SLC2A13: variants seen among roughly 807,000 people sequenced by gnomAD.
SLC2A13 encodes proton myo-inositol cotransporter.
In SLC2A13, 32 loss-of-function variants were observed where a neutral mutation model predicts 64.4. The observed-to-expected ratio is 0.50, with a 90% confidence interval of 0.37 to 0.67. SLC2A13 has a LOEUF of 0.67. SLC2A13 is among the 30% of genes least tolerant of loss of function. The pLI is 0.00. For synonymous variants in SLC2A13, 338 were observed against 327.1 expected, an observed-to-expected ratio of 1.03 and a Z score of -0.36; for missense variants, 743 against 829.2, an observed-to-expected ratio of 0.90 and a Z score of 1.28.
intron 7 of SLC2A13, among the ~76,000 whole-genome samples, chr12:39,805,822 G>T (rs1450619483): frequency 6.6e-6 from 1 of 152,116 alleles, no homozygotes; most frequent in Non-Finnish European, 1.5e-5. Flanking sequence ...AAAGGGAGTT[G>T]CCCGTTTTTT....
Position 39,943,189 on chromosome 12 carries a change from G to A in SLC2A13, c.1034+8068C>T, listed in dbSNP as rs778179518. On this transcript the variant is annotated intron_variant, in intron 4 of 9. Coordinates refer to ENST00000280871, the MANE Select transcript of SLC2A13 (RefSeq NM_052885.4). ...AGCTCTCCTGTATGAGGTGTCTGTC[G>A]ACCCCTGCTGGGAGGTGTCTCCCAG... 3.2e-4 allele frequency among the ~76,000 whole-genome samples: 49 copies of A among 152,130 alleles called. 1 individual carries two copies. The highest frequency in any genetic ancestry group is 5.9e-5 in the Non-Finnish European group (4 of 68,024).
chr12:39,836,309 A>G (rs976259397), intron 6 of SLC2A13, among the ~76,000 whole-genome samples: 2 of 152,110 alleles, frequency 1.3e-5, no homozygotes, highest in African/African-American at 2.4e-5. Flanking sequence ...AAATAGAGGA[A>G]ATTAGAGTCC....
At chr12:40,038,068 C>T (rs1001040935) in intron 2 of SLC2A13, among the ~76,000 whole-genome samples, 37 of 152,170 alleles carry the variant, frequency 2.4e-4, no homozygotes, top group Admixed American at 2.4e-3. Context: ...ATTCTAGCTT[C>T]TTAACATGAA....
intron 7 of SLC2A13, among the ~76,000 whole-genome samples, chr12:39,779,473 A>G (rs941363325): frequency 6.6e-6 from 1 of 152,152 alleles, no homozygotes; most frequent in African/African-American, 2.4e-5. Flanking sequence ...CATACCTATT[A>G]TCTTCCCTTT....
At chr12:40,014,898 G>T (rs933918227) in intron 3 of SLC2A13, among the ~76,000 whole-genome samples, 4 of 152,168 alleles carry the variant, frequency 2.6e-5, no homozygotes, top group African/African-American at 9.7e-5. Flanking sequence ...GAAAACAAAT[G>T]TTTTATGCAA....
At chr12:39,934,212 C>G (rs1483769939) in intron 4 of SLC2A13, among the ~76,000 whole-genome samples, 6 of 152,178 alleles carry the variant, frequency 3.9e-5, no homozygotes, top group Non-Finnish European at 8.8e-5. Context: ...AAAAATGAAA[C>G]TGAAGATTCT....
chr12:39,864,622 CT>C, intron 6 of SLC2A13, 139 bp downstream of exon 6: 1 of 1,178,196 alleles, frequency 8.5e-7, no homozygotes. Flanking sequence ...TCTCTACCAC[CT>C]TTCCCATTTT....
intron 4 of SLC2A13, among the ~76,000 whole-genome samples, chr12:39,916,402 A>G (rs1945521904): frequency 6.6e-6 from 1 of 152,056 alleles, no homozygotes; most frequent in African/African-American, 2.4e-5. Context: ...GGAAAGTAAA[A>G]GTGAAGAGTC....
At chr12:40,018,490 T>C (rs1271514417) in intron 3 of SLC2A13, among the ~76,000 whole-genome samples, 2 of 152,240 alleles carry the variant, frequency 1.3e-5, no homozygotes, top group Admixed American at 6.5e-5. Flanking sequence ...TCCTAATTTG[T>C]AGACTTTCTA....
At chr12:39,860,016 C>G (rs1943714817) in intron 6 of SLC2A13, among the ~76,000 whole-genome samples, 1 of 152,022 alleles carries the variant, frequency 6.6e-6, no homozygotes. Flanking sequence ...GTCCTTGGTC[C>G]AAAGCAAGAA....
In SLC2A13 at chr12:39,757,668, G is replaced by A. The variant is rs1248772933; in HGVS notation, c.*2358C>T. Reference sequence around the variant, plus strand: ...TTTAAAGTAGGGGCTCAGGGGAGTAGGGGAGGAGAACTGTGGCTAATTTTC... The same window carrying A: ...TTTAAAGTAGGGGCTCAGGGGAGTAAGGGAGGAGAACTGTGGCTAATTTTC... On this transcript the variant is annotated 3_prime_UTR_variant, in exon 10 of 10. Coordinates refer to ENST00000280871, the MANE Select transcript of SLC2A13 (RefSeq NM_052885.4). 1 of 152,090 alleles carries A rather than the reference G, an allele frequency of 6.6e-6. No homozygotes were observed. Among genetic ancestry groups the A allele is most frequent in the South Asian group, 2.1e-4 (1 of 4,828 alleles). The allele number at this position is 152,090 out of a possible 1,614,324, so 9.4% of individuals were successfully genotyped here.
At chr12:40,061,232 T>G (rs931041749) in intron 1 of SLC2A13, among the ~76,000 whole-genome samples, 4 of 151,970 alleles carry the variant, frequency 2.6e-5, no homozygotes, top group African/African-American at 7.2e-5. Context: ...AAATGGTAGA[T>G]CTAATACATA....
At chr12:39,835,424 T>C (rs543186507) in intron 6 of SLC2A13, among the ~76,000 whole-genome samples, 5 of 152,236 alleles carry the variant, frequency 3.3e-5, no homozygotes, top group Admixed American at 2.0e-4. Flanking sequence ...ATTATAGGTA[T>C]GCTCTACATT....
chr12:39,930,130 C>CAAAA (rs11385191), intron 4 of SLC2A13, among the ~76,000 whole-genome samples: 1 of 95,898 alleles, frequency 1.0e-5, no homozygotes, highest in Non-Finnish European at 2.2e-5. Flanking sequence ...GACTTCGTCT[C>CAAAA]AAAAAAAAAA....
chr12:39,821,830 G>A (rs939199178), intron 7 of SLC2A13, among the ~76,000 whole-genome samples: 2 of 152,154 alleles, frequency 1.3e-5, no homozygotes, highest in Non-Finnish European at 2.9e-5. Flanking sequence ...CTTGGGAGTG[G>A]TAGCAGATAC....
intron 3 of SLC2A13, among the ~76,000 whole-genome samples, chr12:39,980,339 T>G (rs1316431225): frequency 2.6e-5 from 4 of 152,074 alleles, no homozygotes; most frequent in Non-Finnish European, 5.9e-5. Flanking sequence ...ACTTTAAATG[T>G]AAATGGACTA....
chr12:39,961,040 C>T (rs909292470), intron 3 of SLC2A13, among the ~76,000 whole-genome samples: 1 of 151,512 alleles, frequency 6.6e-6, no homozygotes, highest in East Asian at 1.9e-4. Flanking sequence ...AGCCATTGTG[C>T]CTGGCCCTTG....
At chr12:40,045,861 T>G (rs1948163753) in intron 2 of SLC2A13, among the ~76,000 whole-genome samples, 1 of 152,224 alleles carries the variant, frequency 6.6e-6, no homozygotes, top group Non-Finnish European at 1.5e-5. Flanking sequence ...CTTTTCCTTC[T>G]CATGCTTCCC....
chr12:39,841,793 G>C (rs1022288016), intron 6 of SLC2A13, among the ~76,000 whole-genome samples: 1 of 151,906 alleles, frequency 6.6e-6, no homozygotes, highest in Non-Finnish European at 1.5e-5. Context: ...CATTATTGAA[G>C]AGACAGAATA....
Sources: allele counts gnomAD v4.1 joint callset (sites outside exome capture counted in the v4.1 genomes callset), GRCh38; gene constraint gnomAD v4.1.1; transcripts MANE v1.5; gene names NCBI Gene and HGNC (gene_info 2026-07-23, HGNC 2026-07-21).